Variants in ABCG8 observed in about 807,000 individuals in gnomAD.
ABCG8 encodes ATP binding cassette subfamily G member 8, also known as ATP-binding cassette sub-family G member 8.
A neutral mutation model predicts 71.3 loss-of-function variants in ABCG8; 81 were observed. The ratio of observed to expected loss-of-function variants is 1.14; its 90% CI spans 0.95 to 1.37. ABCG8 has a LOEUF of 1.37. ABCG8 is among the 40% of genes most tolerant of loss of function. The pLI is 0.00. For missense variants in ABCG8, 1,119 were observed against 866.2 expected, an observed-to-expected ratio of 1.29 and a Z score of -3.66; for synonymous variants, 451 against 354.7, an observed-to-expected ratio of 1.27 and a Z score of -3.05.
intron 6 of ABCG8, among the ~76,000 whole-genome samples, chr2:43,869,598 A>T (rs1056528448): frequency 2.6e-5 from 4 of 151,440 alleles, no homozygotes; most frequent in African/African-American, 4.9e-5. Flanking sequence ...TAGAATTCTT[A>T]CTCTCTGGAT....
At chr2:43,871,735 C>T (rs1669782136) in intron 6 of ABCG8, among the ~76,000 whole-genome samples, 2 of 152,178 alleles carry the variant, frequency 1.3e-5, no homozygotes, top group African/African-American at 2.4e-5. Flanking sequence ...TTTTTTGATC[C>T]ACTGCTCTTA....
At chr2:43,860,807 AC>A (rs1436435129) in intron 6 of ABCG8, among the ~76,000 whole-genome samples, 2 of 137,236 alleles carry the variant, frequency 1.5e-5, no homozygotes, top group Non-Finnish European at 3.2e-5. Flanking sequence ...TCTGGATAGA[AC>A]TGTCACTATC....
At chr2:43,846,487 A>C in intron 3 of ABCG8, 176 bp downstream of exon 3, 1 of 920,692 alleles carries the variant, frequency 1.1e-6, no homozygotes, top group East Asian at 2.7e-5. Context: ...TGGCTCCTCC[A>C]TTTGCTGGCT....
chr2:43,867,168 G>A (rs1276180402), intron 6 of ABCG8, among the ~76,000 whole-genome samples: 4 of 139,260 alleles, frequency 2.9e-5, no homozygotes, highest in Non-Finnish European at 6.2e-5. Context: ...GAAACAGGAA[G>A]GGGAACGTCA....
intron 6 of ABCG8, among the ~76,000 whole-genome samples, chr2:43,868,222 G>A (rs1427761931): frequency 6.6e-6 from 1 of 151,774 alleles, no homozygotes; most frequent in African/African-American, 2.4e-5. Context: ...TCACCCTCTG[G>A]ATAGACCTCT....
chr2:43,854,746 G>A (rs1669043933), intron 6 of ABCG8, among the ~76,000 whole-genome samples: 1 of 152,184 alleles, frequency 6.6e-6, no homozygotes, highest in Non-Finnish European at 1.5e-5. Context: ...GGCATGCATG[G>A]TCCTAGACTG....
intron 6 of ABCG8, among the ~76,000 whole-genome samples, chr2:43,863,332 T>C (rs1055149268): frequency 1.3e-5 from 2 of 151,494 alleles, no homozygotes; most frequent in Non-Finnish European, 3.0e-5. Flanking sequence ...TGGATAGAAT[T>C]CTCACTATCT....
intron 9 of ABCG8, 110 bp from the exon 10 acceptor site, chr2:43,874,297 C>A: frequency 9.8e-7 from 1 of 1,020,022 alleles, no homozygotes; most frequent in Non-Finnish European, 1.5e-6. Context: ...AAATTAGAGA[C>A]TTGGGCAATA....
intron 1 of ABCG8, among the ~76,000 whole-genome samples, chr2:43,839,983 C>T (rs766191891): frequency 3.3e-5 from 5 of 152,160 alleles, no homozygotes; most frequent in Non-Finnish European, 7.3e-5. Context: ...CCTCATTTTA[C>T]CTGAGAAGTG....
intron 8 of ABCG8, among the ~76,000 whole-genome samples, chr2:43,872,741 C>G (rs1669825237): frequency 6.6e-6 from 1 of 152,190 alleles, no homozygotes; most frequent in South Asian, 2.1e-4. Context: ...GGGACCAGCA[C>G]TAACCTTCAG....
In ABCG8 at chr2:43,880,192, G is replaced by A. The variant is rs1274446862; in HGVS notation, c.*2279G>A. The A allele has an allele frequency of 3.9e-5, 2 of 50,988 alleles. No individual in the cohort carries two copies. Among genetic ancestry groups the A allele is most frequent in the Non-Finnish European group, 8.1e-5 (2 of 24,562 alleles). The allele number at this position is 50,988 out of a possible 1,614,324, so 3.2% of individuals were successfully genotyped here. ...TTTTTTGTTTTGTTTTTTTTTTTTT[G>A]AGACAGAATCTCATTCTGTGGCCCA... On this transcript the variant is annotated 3_prime_UTR_variant, in exon 13 of 13. Coordinates refer to ENST00000272286, the MANE Select transcript of ABCG8 (RefSeq NM_022437.3).
chr2:43,844,206 G>T (rs1668666188), intron 1 of ABCG8, among the ~76,000 whole-genome samples: 1 of 152,114 alleles, frequency 6.6e-6, no homozygotes, highest in South Asian at 2.1e-4. Context: ...CAGAGTCTGG[G>T]TCTCTTTACC....
intron 6 of ABCG8, among the ~76,000 whole-genome samples, chr2:43,865,900 A>C (rs1461764050): frequency 6.6e-6 from 1 of 151,568 alleles, no homozygotes; most frequent in Non-Finnish European, 1.5e-5. Flanking sequence ...TAGAATGCTC[A>C]CTCTGTGGAT....
At chr2:43,849,908 C>A (rs1668861124) in intron 3 of ABCG8, among the ~76,000 whole-genome samples, 1 of 152,158 alleles carries the variant, frequency 6.6e-6, no homozygotes. Flanking sequence ...GAGATCAAAA[C>A]TCCATCTGGG....
intron 6 of ABCG8, among the ~76,000 whole-genome samples, chr2:43,854,593 C>A (rs1669036966): frequency 6.7e-6 from 1 of 148,364 alleles, no homozygotes; most frequent in Admixed American, 6.8e-5. Context: ...TGCCACTGCA[C>A]CCCAGTCTGG....
At chr2:43,849,251 G>A (rs920842749) in intron 3 of ABCG8, among the ~76,000 whole-genome samples, 1 of 151,212 alleles carries the variant, frequency 6.6e-6, no homozygotes, top group African/African-American at 2.4e-5. Context: ...ACCTGAGACT[G>A]GGTAACTTAT....
intron 6 of ABCG8, among the ~76,000 whole-genome samples, chr2:43,867,221 A>T (rs1015805203): frequency 2.0e-5 from 3 of 149,974 alleles, no homozygotes; most frequent in African/African-American, 7.4e-5. Context: ...GGGGAGGGAT[A>T]GCACTGGGAG....
chr2:43,849,593 T>C (rs1331302773), intron 3 of ABCG8, among the ~76,000 whole-genome samples: 1 of 152,058 alleles, frequency 6.6e-6, no homozygotes, highest in Non-Finnish European at 1.5e-5. Flanking sequence ...TCTCCCCAGA[T>C]GCCACAGGCA....
intron 1 of ABCG8, 74 bp downstream of exon 1, chr2:43,839,190 A>G (rs1439698594): frequency 2.2e-5 from 32 of 1,486,000 alleles, no homozygotes; most frequent in Non-Finnish European, 2.5e-5. Flanking sequence ...CTCTTCCCTC[A>G]GGAGCCTTCT....
Sources: allele counts gnomAD v4.1 joint callset (sites outside exome capture counted in the v4.1 genomes callset), GRCh38; gene constraint gnomAD v4.1.1; transcripts MANE v1.5; gene names NCBI Gene and HGNC (gene_info 2026-07-23, HGNC 2026-07-21).